The following PTPRE variants were observed in gnomAD, a reference collection of about 807,000 sequenced individuals.
PTPRE encodes the protein protein tyrosine phosphatase receptor type E.
PTPRE carries 51 observed loss-of-function variants against 102.0 expected under a neutral mutation model. The ratio of observed to expected loss-of-function variants is 0.50; its 90% CI spans 0.40 to 0.63. The LOEUF (loss-of-function observed/expected upper bound fraction) is 0.63. PTPRE is among the 30% of genes least tolerant of loss of function. The pLI, the probability that PTPRE is intolerant of heterozygous loss-of-function variation, is 0.00. For synonymous variants in PTPRE, 345 were observed against 348.2 expected (o/e 0.99, Z 0.10); for missense variants, 752 against 915.1 (o/e 0.82, Z 2.30).
chr10:128,034,019 A>T (rs191554717), intron 2 of PTPRE, among the ~76,000 whole-genome samples: 67 of 152,374 alleles, frequency 4.4e-4, no homozygotes, highest in African/African-American at 1.5e-3. Context: ...CAAAATTTAT[A>T]AATAGTTACA....
At chr10:128,045,829 T>C (rs1390804614) in intron 3 of PTPRE, among the ~76,000 whole-genome samples, 2 of 152,310 alleles carry the variant, frequency 1.3e-5, no homozygotes, top group East Asian at 1.9e-4. Context: ...CCGAACCTTG[T>C]GTGGGGCCAG....
At chr10:128,067,039 C>T (rs551721891) in intron 11 of PTPRE, among the ~76,000 whole-genome samples, 1 of 151,738 alleles carries the variant, frequency 6.6e-6, no homozygotes, top group South Asian at 2.1e-4. Context: ...CATGCACATA[C>T]TCCCACACAC....
At chr10:128,081,071 CTCTA>C (rs1851670952) in intron 20 of PTPRE, among the ~76,000 whole-genome samples, 1 of 152,142 alleles carries the variant, frequency 6.6e-6, no homozygotes, top group African/African-American at 2.4e-5. Flanking sequence ...GAGATTCAAA[CTCTA>C]TCTGATTCCA....
chr10:128,003,942 C>T (rs904373323), intron 2 of PTPRE, among the ~76,000 whole-genome samples: 1 of 151,810 alleles, frequency 6.6e-6, no homozygotes, highest in Non-Finnish European at 1.5e-5. Context: ...CCCACCCCAG[C>T]GCGTCTGCCA....
chr10:128,031,292 G>T (rs1186633374), intron 2 of PTPRE, among the ~76,000 whole-genome samples: 1 of 152,204 alleles, frequency 6.6e-6, no homozygotes, highest in African/African-American at 2.4e-5. Flanking sequence ...AGCGAGGCCT[G>T]GGGTGCAGCT....
At chr10:128,053,038 C>T (rs1031169522) in intron 6 of PTPRE, among the ~76,000 whole-genome samples, 3 of 152,144 alleles carry the variant, frequency 2.0e-5, no homozygotes, top group Non-Finnish European at 4.4e-5. Context: ...CATTTGAGCC[C>T]AGTAGTTCCA....
At position 128,008,017 on chromosome 10, in the gene PTPRE, T is replaced by C. The variant is rs995198828; in HGVS notation, c.-8+25721T>C. On this transcript the variant is annotated intron_variant, in intron 2 of 20. Transcript: ENST00000254667. This position sits in a 1 kb window ranked among gnomAD's most constrained non-coding sequence, Gnocchi z 4.0. The stretch of plus-strand genomic sequence containing the variant: ...ACCCCGAGCTTCTCATCACACCTGC[T>C]GCTTACAGGGGTTGCACTGGGGCTG... Among the ~76,000 whole-genome samples, 32 of 152,298 alleles carry C rather than the reference T, an allele frequency of 2.1e-4. No individual in the cohort carries two copies. Among genetic ancestry groups the C allele is most frequent in the Non-Finnish European group, 1.9e-4 (13 of 68,010 alleles).
At chr10:127,931,032 C>A (rs1306664735) in intron 1 of PTPRE, among the ~76,000 whole-genome samples, 1 of 152,090 alleles carries the variant, frequency 6.6e-6, no homozygotes, top group Non-Finnish European at 1.5e-5. Context: ...ACCTCGTGAT[C>A]CACCCGCCTC....
chr10:128,012,784 C>T (rs942133690), intron 2 of PTPRE, among the ~76,000 whole-genome samples: 2 of 152,166 alleles, frequency 1.3e-5, no homozygotes, highest in Non-Finnish European at 2.9e-5. Flanking sequence ...CTACCTTGAA[C>T]CCACTGAAGT....
chr10:128,026,341 G>A (rs1173399012), intron 2 of PTPRE, among the ~76,000 whole-genome samples: 2 of 152,230 alleles, frequency 1.3e-5, no homozygotes, highest in Admixed American at 1.3e-4. Context: ...CTGCACGCTT[G>A]CCAGCCAGCA....
Position 128,060,953 on chromosome 10 carries a change from G to A in PTPRE, c.526G>A (p.Val176Met). 2 of 1,614,118 alleles carry A rather than the reference G, an allele frequency of 1.2e-6. No homozygotes were observed. The highest frequency in any genetic ancestry group is 8.5e-7 in the Non-Finnish European group (1 of 1,179,990). The change falls in exon 8 of 21, where the codon GTG (valine) becomes ATG (methionine). Residue 176 changes from valine to methionine, a missense_variant. By Grantham distance (21) the Val-to-Met change is conservative. Coordinates refer to ENST00000254667, the MANE Select transcript of PTPRE (RefSeq NM_006504.6). The part of the protein sequence containing the change: ...PNILPNDHSR[V>M]ILSQLDGIPC... ...TTTTTTTCCAGATGACCATTCTAGG[G>A]TGATTCTGAGCCAACTGGATGGAAT...
In PTPRE at chr10:128,077,052, A is replaced by G. The variant is rs569457277; in HGVS notation, c.1725+324A>G. On this transcript the variant is annotated intron_variant, in intron 18 of 20. Coordinates refer to ENST00000254667, the MANE Select transcript of PTPRE (RefSeq NM_006504.6). The stretch of plus-strand genomic sequence containing the variant: ...CCAGGTGCCTTCTCAGAGCCCCCCA[A>G]CTGTCCCCATTTCCACTGGGTCCTT... Among the ~76,000 whole-genome samples the G allele has an allele frequency of 2.9e-3, 438 of 152,236 alleles. 2 individuals carry two copies. The highest frequency in any genetic ancestry group is 5.8e-3 in the South Asian group (28 of 4,818).
intron 17 of PTPRE, among the ~76,000 whole-genome samples, chr10:128,074,805 A>G (rs1359704598): frequency 1.3e-5 from 2 of 152,188 alleles, no homozygotes; most frequent in Non-Finnish European, 2.9e-5. Flanking sequence ...TCTATGTCAT[A>G]AACTTACTGT....
At chr10:127,967,398 T>C (rs1229707361) in intron 1 of PTPRE, among the ~76,000 whole-genome samples, 1 of 152,152 alleles carries the variant, frequency 6.6e-6, no homozygotes, top group African/African-American at 2.4e-5. Context: ...CAACAGGTTT[T>C]TCCCGTGCTG....
At chr10:128,006,594 A>G (rs1159158580) in intron 2 of PTPRE, among the ~76,000 whole-genome samples, 2 of 152,196 alleles carry the variant, frequency 1.3e-5, no homozygotes, top group African/African-American at 2.4e-5. Context: ...CTTTATTGCA[A>G]ACTTCACCAC....
At chr10:127,972,453 A>G (rs1014874571) in intron 1 of PTPRE, among the ~76,000 whole-genome samples, 1 of 152,190 alleles carries the variant, frequency 6.6e-6, no homozygotes. Context: ...CACGTGCCTC[A>G]AGGACCATTT....
intron 1 of PTPRE, among the ~76,000 whole-genome samples, chr10:127,930,138 G>C (rs1847318574): frequency 6.6e-6 from 1 of 151,222 alleles, no homozygotes. Context: ...TACATGCTTG[G>C]AGTAAAAGTC....
chr10:128,047,564 T>A (rs567526276), intron 4 of PTPRE, 75 bp downstream of exon 4: 1 of 1,611,030 alleles, frequency 6.2e-7, no homozygotes, highest in African/African-American at 1.3e-5. Flanking sequence ...GCTGTGGGCG[T>A]GGGCTGTGCA....
chr10:127,983,754 G>A (rs1283917180), intron 2 of PTPRE, among the ~76,000 whole-genome samples: 1 of 151,962 alleles, frequency 6.6e-6, no homozygotes, highest in Non-Finnish European at 1.5e-5. Context: ...TGGCCCCTCC[G>A]CACCCCATTT....
Sources: allele counts gnomAD v4.1 joint callset (sites outside exome capture counted in the v4.1 genomes callset), GRCh38; gene constraint gnomAD v4.1.1; non-coding constraint Gnocchi (gnomAD v3.1); transcripts MANE v1.5; gene names NCBI Gene and HGNC (gene_info 2026-07-23, HGNC 2026-07-21).